GPHN: variants seen among roughly 807,000 people sequenced by gnomAD.
The protein encoded by GPHN is gephyrin.
A neutral mutation model predicts 95.5 loss-of-function variants in GPHN; 17 were observed. That is an observed-to-expected ratio of 0.18 (90% CI 0.12 to 0.27). GPHN has a LOEUF of 0.27. Among genes scored for constraint, GPHN ranks in the 10% least tolerant of loss-of-function variants. The probability of loss-of-function intolerance (pLI) is 1.00; values close to 1 mark genes in which losing one functional copy is unlikely to be tolerated. For synonymous variants in GPHN, 320 were observed against 322.5 expected (o/e 0.99, Z 0.08); for missense variants, 660 against 978.1 (o/e 0.67, Z 4.34).
the GPHN span, among the ~76,000 whole-genome samples, chr14:67,393,953 T>C: frequency 6.6e-6 from 1 of 152,178 alleles, no homozygotes; most frequent in Non-Finnish European, 1.5e-5. Flanking sequence ...TCGCTGTCTC[T>C]AGGCCAGCAG....
At chr14:67,356,137 T>C in the GPHN span, among the ~76,000 whole-genome samples, 2 of 152,016 alleles carry the variant, frequency 1.3e-5, no homozygotes, top group African/African-American at 4.8e-5. Flanking sequence ...TAAACTTTTT[T>C]GGCCAGGTGC....
chr14:67,561,886 A>AAG, the GPHN span: 2 of 1,108,318 alleles, frequency 1.8e-6, no homozygotes, highest in South Asian at 2.9e-5. Context: ...AAAAAAAAAA[A>AAG]GAATTGAAAA....
At chr14:66,904,157 G>T (rs1028004982) in intron 5 of GPHN, among the ~76,000 whole-genome samples, 1 of 152,142 alleles carries the variant, frequency 6.6e-6, no homozygotes, top group Non-Finnish European at 1.5e-5. Context: ...GACCTTTGCA[G>T]TGAGTGTTAC....
the GPHN span, among the ~76,000 whole-genome samples, chr14:67,558,805 A>G: frequency 6.6e-6 from 1 of 152,244 alleles, no homozygotes; most frequent in African/African-American, 2.4e-5. Flanking sequence ...TCCAGGTAGT[A>G]ACTATTTTAT....
chr14:67,541,985 G>A, the GPHN span: 6 of 1,605,304 alleles, frequency 3.7e-6, no homozygotes, highest in Non-Finnish European at 5.1e-6. Context: ...GGAGCTGCTG[G>A]CTGACAAGGT....
At chr14:67,136,092 G>T (rs1176294098) in intron 17 of GPHN, among the ~76,000 whole-genome samples, 1 of 146,790 alleles carries the variant, frequency 6.8e-6, no homozygotes, top group East Asian at 2.0e-4. Context: ...ATTATCTATT[G>T]CCCCAGAAGT....
At chr14:66,956,270 ATATGT>A (rs1194479028) in intron 8 of GPHN, among the ~76,000 whole-genome samples, 14 of 152,070 alleles carry the variant, frequency 9.2e-5, no homozygotes, top group Non-Finnish European at 1.8e-4. Flanking sequence ...TTGAATTTTC[ATATGT>A]TATGTTTTCA....
chr14:67,061,328 G>T (rs1021557835), intron 11 of GPHN, among the ~76,000 whole-genome samples: 1 of 152,094 alleles, frequency 6.6e-6, no homozygotes, highest in East Asian at 1.9e-4. Flanking sequence ...GAGCCAATGC[G>T]CCTGGCCCAG....
intron 8 of GPHN, among the ~76,000 whole-genome samples, chr14:66,932,316 A>G (rs1017315357): frequency 6.6e-6 from 1 of 151,700 alleles, no homozygotes; most frequent in Non-Finnish European, 1.5e-5. Context: ...GTGTTGGGTC[A>G]CTCCTAAAAC....
At chr14:67,573,374 C>T in the GPHN span, 7 of 1,600,142 alleles carry the variant, frequency 4.4e-6, no homozygotes, top group Middle Eastern at 1.7e-4. This position sits in a 1 kb window ranked among gnomAD's most constrained non-coding sequence, Gnocchi z 4.8. Flanking sequence ...AGATTATGTA[C>T]TACAAGTCCC....
chr14:67,473,996 T>C, the GPHN span: 1 of 1,481,264 alleles, frequency 6.8e-7, no homozygotes, highest in Non-Finnish European at 9.0e-7. The surrounding 1 kb of genome is among the most constrained non-coding windows in gnomAD (Gnocchi z 6.5). Context: ...CTCACGCCTA[T>C]AATCCCTGCG....
At chr14:67,572,423 G>A in the GPHN span, 1 of 645,702 alleles carries the variant, frequency 1.5e-6, no homozygotes, top group Admixed American at 2.9e-5. Flanking sequence ...GGGCTGGGGG[G>A]GTGTACAGTT....
chr14:67,378,155 T>A, the GPHN span, among the ~76,000 whole-genome samples: 1 of 150,298 alleles, frequency 6.7e-6, no homozygotes, highest in African/African-American at 2.4e-5. Flanking sequence ...ACTCTTTCAG[T>A]TCTCTATACT....
chr14:67,459,607 C>T, the GPHN span, among the ~76,000 whole-genome samples: 2,814 of 152,318 alleles, frequency 0.018, 29 homozygotes, highest in Middle Eastern at 0.048. Context: ...GACGCAAACA[C>T]AGCTTGATTT....
intron 21 of GPHN, among the ~76,000 whole-genome samples, chr14:67,172,878 T>C (rs2140108058): frequency 6.6e-6 from 1 of 152,276 alleles, no homozygotes; most frequent in African/African-American, 2.4e-5. Flanking sequence ...CTGCAGTCAC[T>C]ACTACATGCT....
At chr14:67,555,827 G>T in the GPHN span, 15 of 1,613,320 alleles carry the variant, frequency 9.3e-6, no homozygotes, top group Non-Finnish European at 1.3e-5. Flanking sequence ...CCAAGCAGAT[G>T]CAGGAGCTGG....
chr14:66,778,937 TTTC>T (rs2059501904), intron 3 of GPHN, among the ~76,000 whole-genome samples: 2 of 151,902 alleles, frequency 1.3e-5, no homozygotes, highest in African/African-American at 2.4e-5. Context: ...AGAGATAAAT[TTTC>T]TTCAAGTTGG....
intron 8 of GPHN, among the ~76,000 whole-genome samples, chr14:66,957,472 A>G (rs2068603949): frequency 6.6e-6 from 1 of 152,044 alleles, no homozygotes; most frequent in Non-Finnish European, 1.5e-5. Context: ...TTGGGATTAC[A>G]GGCATGAGCC....
chr14:67,139,993 T>C (rs2080353609), intron 17 of GPHN, among the ~76,000 whole-genome samples: 1 of 152,304 alleles, frequency 6.6e-6, no homozygotes, highest in East Asian at 1.9e-4. Flanking sequence ...AAAATCCCTT[T>C]CAGCTGATTT....
Sources: gnomAD v4.1 joint callset for allele counts (sites outside exome capture counted in the v4.1 genomes callset) on GRCh38, gnomAD v4.1.1 for gene constraint, Gnocchi (gnomAD v3.1) non-coding constraint, MANE v1.5 for transcripts, NCBI Gene and HGNC (gene_info 2026-07-23, HGNC 2026-07-21) for gene names.